RGS6: variants seen among roughly 807,000 people sequenced by gnomAD.
RGS6 encodes regulator of G-protein signaling 6.
Under a neutral mutation model 78.5 loss-of-function variants are expected in RGS6, and 30 were observed. The observed-to-expected ratio is 0.38, with a 90% CI of 0.29 to 0.52. RGS6 has a LOEUF of 0.52. Among genes scored for constraint, RGS6 ranks in the 20% least tolerant of loss-of-function variants. The probability of loss-of-function intolerance (pLI) is 0.85; values close to 1 mark genes in which losing one functional copy is unlikely to be tolerated. For synonymous variants in RGS6, 206 were observed against 206.0 expected, an observed-to-expected ratio of 1.00 and a Z score of 0.00; for missense variants, 495 against 609.7, an observed-to-expected ratio of 0.81 and a Z score of 1.98.
the RGS6 span, among the ~76,000 whole-genome samples, chr14:72,589,703 G>A: frequency 6.6e-6 from 1 of 152,192 alleles, no homozygotes; most frequent in African/African-American, 2.4e-5. Flanking sequence ...GAAAGGATAT[G>A]CATTATTAGA....
chr14:72,113,149 A>G (rs1271235039), intron 2 of RGS6, among the ~76,000 whole-genome samples: 2 of 152,220 alleles, frequency 1.3e-5, no homozygotes, highest in Non-Finnish European at 2.9e-5. Context: ...TAAAGTGAGT[A>G]GCTGGGGCAA....
chr14:72,579,228 G>A, the RGS6 span, among the ~76,000 whole-genome samples: 1 of 151,872 alleles, frequency 6.6e-6, no homozygotes, highest in Non-Finnish European at 1.5e-5. Flanking sequence ...GGAGAACAAG[G>A]CCAGGTCTTC....
intron 2 of RGS6, among the ~76,000 whole-genome samples, chr14:72,190,576 C>T (rs1037635339): frequency 3.3e-5 from 5 of 152,202 alleles, no homozygotes; most frequent in African/African-American, 1.2e-4. Flanking sequence ...TCACCCTCAA[C>T]AGGCTACACC....
At chr14:72,194,677 A>G (rs1444761661) in intron 2 of RGS6, among the ~76,000 whole-genome samples, 1 of 151,090 alleles carries the variant, frequency 6.6e-6, no homozygotes, top group Non-Finnish European at 1.5e-5. Context: ...TACATTTTAG[A>G]AAAAGAAACA....
At chr14:72,155,273 T>G (rs539290190) in intron 2 of RGS6, among the ~76,000 whole-genome samples, 31 of 152,170 alleles carry the variant, frequency 2.0e-4, no homozygotes, top group Non-Finnish European at 4.0e-4. Flanking sequence ...GGCATCCTGT[T>G]CCCTGGTTTG....
At chr14:72,495,331 C>A in intron 13 of RGS6, 69 bp downstream of exon 13, 1 of 981,572 alleles carries the variant, frequency 1.0e-6, no homozygotes, top group Non-Finnish European at 1.7e-6. Flanking sequence ...ATGAGATTAC[C>A]TTATATTCTA....
At chr14:72,479,864 A>G (rs1175838454) in intron 12 of RGS6, among the ~76,000 whole-genome samples, 1 of 152,156 alleles carries the variant, frequency 6.6e-6, no homozygotes, top group Non-Finnish European at 1.5e-5. Context: ...TTCTCTGTGA[A>G]CTAGGGACAG....
chr14:72,274,980 A>C (rs2060467133), intron 2 of RGS6, among the ~76,000 whole-genome samples: 1 of 152,186 alleles, frequency 6.6e-6, no homozygotes, highest in Non-Finnish European at 1.5e-5. Context: ...ACAACAGTAT[A>C]TTTACTTCCT....
At chr14:72,103,397 C>T (rs948793035) in intron 2 of RGS6, among the ~76,000 whole-genome samples, 7 of 152,280 alleles carry the variant, frequency 4.6e-5, no homozygotes, top group African/African-American at 1.7e-4. Flanking sequence ...TTTATCTGTG[C>T]AACTTAATAC....
At chr14:72,546,155 G>GAGAC (rs2153521255) in intron 17 of RGS6, among the ~76,000 whole-genome samples, 1 of 152,332 alleles carries the variant, frequency 6.6e-6, no homozygotes, top group African/African-American at 2.4e-5. Context: ...AAGAGTATGA[G>GAGAC]AGACAGTGTT....
At chr14:72,375,729 G>A (rs563613676) in intron 3 of RGS6, among the ~76,000 whole-genome samples, 1 of 152,150 alleles carries the variant, frequency 6.6e-6, no homozygotes, top group Non-Finnish European at 1.5e-5. Context: ...TCTAAGCCTA[G>A]GCCACTGAGA....
chr14:72,450,403 T>C lies in RGS6; in HGVS notation c.185-4125T>C, dbSNP rs142536911. On this transcript the variant is annotated intron_variant, in intron 3 of 17. Transcript: ENST00000553525. The stretch of plus-strand genomic sequence containing the variant: ...CACATACAGAAACATAACCCATAAC[T>C]GCATATCATAAATATATCCTTAAAT... 4.9e-3 allele frequency among the ~76,000 whole-genome samples: 747 copies of C among 152,292 alleles called. 4 individuals are homozygous for C. The highest frequency in any genetic ancestry group is 0.017 in the African/African-American group (687 of 41,550).
intron 2 of RGS6, among the ~76,000 whole-genome samples, chr14:71,999,636 A>G (rs1259972305): frequency 2.0e-5 from 2 of 102,460 alleles, no homozygotes; most frequent in Non-Finnish European, 4.7e-5. Context: ...TGAATGGTTT[A>G]GCACCGTCCC....
At chr14:72,342,576 A>AAC (rs2077214411) in intron 2 of RGS6, among the ~76,000 whole-genome samples, 1 of 150,504 alleles carries the variant, frequency 6.6e-6, no homozygotes, top group African/African-American at 2.4e-5. Context: ...AAAAAAAAAA[A>AAC]AAAACTATCC....
At chr14:72,476,274 T>C (rs906713957) in intron 10 of RGS6, among the ~76,000 whole-genome samples, 1 of 152,176 alleles carries the variant, frequency 6.6e-6, no homozygotes, top group Non-Finnish European at 1.5e-5. Flanking sequence ...CCAACGGAAA[T>C]GTAGAGGGGA....
chr14:72,517,256 GT>G (rs1225623618), intron 14 of RGS6, among the ~76,000 whole-genome samples: 15 of 151,916 alleles, frequency 9.9e-5, no homozygotes, highest in African/African-American at 3.6e-4. Flanking sequence ...CTCCCTTTCT[GT>G]TGACTAGACT....
chr14:72,437,167 CAAA>C (rs71109735), intron 3 of RGS6, among the ~76,000 whole-genome samples: 10,646 of 75,010 alleles, frequency 0.14, 520 homozygotes, highest in South Asian at 0.22. Context: ...ACTAAAAATA[CAAA>C]AAAAAAAAAA....
At chr14:72,282,805 T>G (rs1051666711) in intron 2 of RGS6, among the ~76,000 whole-genome samples, 1 of 152,198 alleles carries the variant, frequency 6.6e-6, no homozygotes, top group African/African-American at 2.4e-5. Context: ...TCCACCTTCT[T>G]AACAAATTTT....
chr14:72,484,957 A>G (rs1430851169), intron 12 of RGS6, among the ~76,000 whole-genome samples: 5 of 112,612 alleles, frequency 4.4e-5, no homozygotes, highest in Non-Finnish European at 9.0e-5. Context: ...TTTTTTTGCC[A>G]TTACTAAAGG....
Sources: gnomAD v4.1 joint callset for allele counts (sites outside exome capture counted in the v4.1 genomes callset) on GRCh38, gnomAD v4.1.1 for gene constraint, MANE v1.5 for transcripts, NCBI Gene and HGNC (gene_info 2026-07-23, HGNC 2026-07-21) for gene names.